Variants in CSMD1 observed in about 807,000 individuals in gnomAD.
CSMD1 encodes CUB and sushi domain-containing protein 1.
In CSMD1, 213 loss-of-function variants were observed where a neutral mutation model predicts 417.5. The ratio of observed to expected loss-of-function variants is 0.51; its 90% CI spans 0.46 to 0.57. The LOEUF (loss-of-function observed/expected upper bound fraction) is 0.57, where lower values mean the gene tolerates loss of function less well. CSMD1 is among the 20% of genes least tolerant of loss of function. The probability of loss-of-function intolerance (pLI) is 0.00; values close to 1 mark genes in which losing one functional copy is unlikely to be tolerated. For missense variants in CSMD1, 6,923 were observed against 4,529.7 expected, an observed-to-expected ratio of 1.53 and a Z score of -15.17; for synonymous variants, 2,862 against 1,736.8, an observed-to-expected ratio of 1.65 and a Z score of -16.11.
chr8:4,174,025 G>T (rs1255840172), intron 3 of CSMD1, among the ~76,000 whole-genome samples: 2 of 152,156 alleles, frequency 1.3e-5, no homozygotes, highest in South Asian at 2.1e-4. Context: ...CATGGCCAAG[G>T]GAATGCCCTG....
At chr8:2,983,648 G>A (rs749317967) in intron 54 of CSMD1, among the ~76,000 whole-genome samples, 3 of 151,910 alleles carry the variant, frequency 2.0e-5, no homozygotes, top group Non-Finnish European at 2.9e-5. Flanking sequence ...AAATCTAATC[G>A]TAACCCAAAG....
chr8:3,197,760 G>C (rs1045460984), intron 33 of CSMD1, among the ~76,000 whole-genome samples: 2 of 152,144 alleles, frequency 1.3e-5, no homozygotes, highest in African/African-American at 4.8e-5. Flanking sequence ...CACCGTGCCC[G>C]GCTTCAAATA....
rs1044335051 is a variant in CSMD1, at chr8:2,938,314, G to A, written c.*271C>T. ...TGAGTATGACGTGTTGGCGCGACGT[G>A]GCAGTCTTCCTGGAGTGTGCCTTGA... On this transcript the variant is annotated 3_prime_UTR_variant, in exon 70 of 70. Transcript: ENST00000635120. 2.4e-5 allele frequency: 9 copies of A among 381,912 alleles called. No individual in the cohort carries two copies. The highest frequency in any genetic ancestry group is 1.6e-4 in the South Asian group (2 of 12,586). 23.7% of individuals were successfully genotyped at this position (381,912 alleles called of 1,614,324 possible). A position where few individuals can be genotyped will look rare whatever the true frequency, so the allele number is the denominator to read the frequency against.
At chr8:3,108,404 G>A (rs965841925) in intron 44 of CSMD1, among the ~76,000 whole-genome samples, 199 bp downstream of exon 44, 2 of 152,070 alleles carry the variant, frequency 1.3e-5, no homozygotes, top group South Asian at 4.2e-4. Context: ...ATAAATCCAA[G>A]CTGGATACGA....
At chr8:4,532,739 A>C (rs982149896) in intron 2 of CSMD1, among the ~76,000 whole-genome samples, 1 of 149,406 alleles carries the variant, frequency 6.7e-6, no homozygotes, top group African/African-American at 2.5e-5. Flanking sequence ...ACTCCAGAAA[A>C]GAAATCCTGC....
rs1397850430 is a variant in CSMD1 at position 3,635,597 on chromosome 8, C to T, written c.1010-18800G>A. On this transcript the variant is annotated intron_variant, in intron 7 of 69. Transcript: ENST00000635120. ...ATCCCAGGTTCACGCCATTCTCCTG[C>T]GTCAACCTCCTGAGTAGCTGGGACT... Among the ~76,000 whole-genome samples the T allele has an allele frequency of 9.9e-5, 15 of 150,970 alleles. No individual in the cohort carries two copies. In the East Asian group the frequency reaches 2.0e-3, roughly 20 times the overall value.
intron 49 of CSMD1, among the ~76,000 whole-genome samples, chr8:3,071,063 A>C (rs1813292697): frequency 6.6e-6 from 1 of 152,196 alleles, no homozygotes; most frequent in Admixed American, 6.5e-5. Flanking sequence ...GAACAGGAGC[A>C]AGAGGTGGGT....
intron 26 of CSMD1, among the ~76,000 whole-genome samples, chr8:3,266,604 CAAAAAAAA>C (rs60439183): frequency 1.2e-4 from 3 of 25,508 alleles, no homozygotes; most frequent in Non-Finnish European, 1.9e-4. Context: ...GACTCCCTCT[CAAAAAAAA>C]AAAAAAAAAA....
rs964017310 is a variant in CSMD1, at chr8:3,214,767, T to G, written c.4673-76A>C. The G allele has an allele frequency of 2.4e-6, 3 of 1,229,410 alleles. No homozygotes were observed. The African/African-American group carries it at 4.6e-5, about 19-fold the overall frequency. 76.2% of individuals were successfully genotyped at this position (1,229,410 alleles called of 1,614,324 possible). A position where few individuals can be genotyped will look rare whatever the true frequency, so the allele number is the denominator to read the frequency against. ...TTTGTGTTTTTGTTTGTTGGGTTGG[T>G]TCTTTAATTGTGTTATTTAGGGCCT... On this transcript the variant is annotated intron_variant, in intron 29 of 69. Coordinates refer to ENST00000635120, the MANE Select transcript of CSMD1 (RefSeq NM_033225.6).
At chr8:3,802,242 A>G (rs1168816979) in intron 5 of CSMD1, among the ~76,000 whole-genome samples, 1 of 152,206 alleles carries the variant, frequency 6.6e-6, no homozygotes, top group Non-Finnish European at 1.5e-5. Context: ...TGATAGAGGC[A>G]TAAAATGAGT....
rs929397380 is a variant in CSMD1 at position 4,172,283 on chromosome 8, T to G, written c.416-140184A>C. ...GTCTGGAATCCTCTTTGTTTCCTCTTGCAATGCAGTAACCACTGAGCAGGT... is the reference window on the plus strand; with the variant it reads ...GTCTGGAATCCTCTTTGTTTCCTCTGGCAATGCAGTAACCACTGAGCAGGT... On this transcript the variant is annotated intron_variant, in intron 3 of 69. Transcript: ENST00000635120. Among the ~76,000 whole-genome samples, 12 of 152,294 alleles carry G rather than the reference T, an allele frequency of 7.9e-5. No individual in the cohort carries two copies. The East Asian group carries it at 1.5e-3, about 20-fold the overall frequency.
chr8:3,556,729 C>T (rs1799172002), intron 10 of CSMD1, among the ~76,000 whole-genome samples: 1 of 151,788 alleles, frequency 6.6e-6, no homozygotes, highest in South Asian at 2.1e-4. Flanking sequence ...TTTAACTTCT[C>T]CTCTCTCAAA....
At position 2,942,594 on chromosome 8, in the gene CSMD1, G is replaced by A. The variant is rs372313030; in HGVS notation, c.10413C>T (p.Asn3471=). The part of the protein sequence containing the change: ...KFKLERQDPL[N]PDQDSSSHYH... ...AATGACTGGAAGAGTCTTGATCTGG[G>A]TTTAAAGGATCTGTAAGATAAAGGA... Residue 3471 remains asparagine (N), a synonymous_variant, in exon 69 of 70, where the codon AAC becomes AAT. Coordinates refer to ENST00000635120, the MANE Select transcript of CSMD1 (RefSeq NM_033225.6). 13 of 1,586,886 alleles carry A rather than the reference G, an allele frequency of 8.2e-6. No individual in the cohort carries two copies. The highest frequency in any genetic ancestry group is 1.1e-5 in the Non-Finnish European group (13 of 1,165,674).
chr8:4,091,082 C>G (rs572654259), intron 3 of CSMD1, among the ~76,000 whole-genome samples: 3 of 151,864 alleles, frequency 2.0e-5, no homozygotes, highest in Admixed American at 6.6e-5. Flanking sequence ...CAATGCCCAG[C>G]TAATTTTTGT....
At chr8:4,310,366 C>G (rs4875325) in intron 3 of CSMD1, among the ~76,000 whole-genome samples, 2 of 151,592 alleles carry the variant, frequency 1.3e-5, no homozygotes, top group African/African-American at 4.8e-5. Context: ...AAAGGGTTCA[C>G]AGACAGTGTT....
chr8:4,122,584 C>T (rs12056681), intron 3 of CSMD1, among the ~76,000 whole-genome samples: 23,357 of 152,080 alleles, frequency 0.15, 1,964 homozygotes, highest in South Asian at 0.3. Flanking sequence ...ACATCGCATG[C>T]CCTACAAAAT....
intron 10 of CSMD1, among the ~76,000 whole-genome samples, chr8:3,517,722 T>G (rs1287606626): frequency 6.6e-6 from 1 of 152,180 alleles, no homozygotes; most frequent in African/African-American, 2.4e-5. Context: ...TTTGATAGTA[T>G]AACTCATAGG....
intron 5 of CSMD1, among the ~76,000 whole-genome samples, chr8:3,788,853 G>C (rs1347364048): frequency 6.6e-6 from 1 of 152,194 alleles, no homozygotes; most frequent in African/African-American, 2.4e-5. Flanking sequence ...TTCTGGGGTA[G>C]AAATTATGAT....
At chr8:4,471,078 T>G (rs1800504301) in intron 2 of CSMD1, among the ~76,000 whole-genome samples, 1 of 152,334 alleles carries the variant, frequency 6.6e-6, no homozygotes, top group South Asian at 2.1e-4. Flanking sequence ...AGTTAAAATC[T>G]TTGACATATT....
Sources: gnomAD v4.1 joint callset for allele counts (sites outside exome capture counted in the v4.1 genomes callset) on GRCh38, gnomAD v4.1.1 for gene constraint, MANE v1.5 for transcripts, NCBI Gene and HGNC (gene_info 2026-07-23, HGNC 2026-07-21) for gene names.